Variants in ZDHHC21 observed in about 807,000 individuals in gnomAD.
The protein encoded by ZDHHC21 is zDHHC palmitoyltransferase 21.
In ZDHHC21, 15 loss-of-function variants were observed where a neutral mutation model predicts 34.6. The observed-to-expected ratio is 0.43, with a 90% CI of 0.29 to 0.67. The LOEUF is 0.67. Ranked by LOEUF, ZDHHC21 falls within the 30% of genes least tolerant of loss-of-function variation. The pLI is 0.14. For synonymous variants in ZDHHC21, 142 were observed against 101.8 expected (o/e 1.40, Z -2.38); for missense variants, 344 against 327.7 (o/e 1.05, Z -0.38).
chr9:14,641,744 A>G (rs982289707), intron 7 of ZDHHC21, among the ~76,000 whole-genome samples: 1 of 152,192 alleles, frequency 6.6e-6, no homozygotes, highest in Non-Finnish European at 1.5e-5. Context: ...GCTCACTTCC[A>G]TAAGAAAACT....
At chr9:14,685,498 A>T (rs1443618678) in intron 2 of ZDHHC21, among the ~76,000 whole-genome samples, 3 of 151,898 alleles carry the variant, frequency 2.0e-5, no homozygotes, top group African/African-American at 4.8e-5. Context: ...TCAAAACCAC[A>T]ATGACATACC....
rs920048060 is a variant in ZDHHC21 at position 14,614,941 on chromosome 9, T to A, written c.*4025A>T. 17 of 151,628 alleles carry A rather than the reference T, an allele frequency of 1.1e-4. No homozygotes were observed. Among genetic ancestry groups the A allele is most frequent in the Admixed American group, 5.3e-4 (8 of 15,152 alleles). 9.4% of individuals were successfully genotyped at this position (151,628 alleles called of 1,614,324 possible). On this transcript the variant is annotated 3_prime_UTR_variant, in exon 10 of 10. Coordinates refer to ENST00000380916, the MANE Select transcript of ZDHHC21 (RefSeq NM_178566.6). ...ATAAAGTAACTATAGGTTATTAAAC[T>A]TGGTAAACTTGAGCTAAGTAATCTA...
intron 5 of ZDHHC21, among the ~76,000 whole-genome samples, chr9:14,671,184 C>G (rs1835376013): frequency 6.6e-6 from 1 of 151,948 alleles, no homozygotes; most frequent in African/African-American, 2.4e-5. Flanking sequence ...TTTGTTTAAC[C>G]TGGAGATTTA....
chr9:14,640,470 A>T (rs1027276111), intron 7 of ZDHHC21, among the ~76,000 whole-genome samples: 106 of 152,152 alleles, frequency 7.0e-4, no homozygotes, highest in Non-Finnish European at 7.4e-5. Flanking sequence ...AGTGACCAAG[A>T]TATCTAGAAA....
At chr9:14,631,293 A>G (rs1827300964) in intron 8 of ZDHHC21, among the ~76,000 whole-genome samples, 1 of 152,176 alleles carries the variant, frequency 6.6e-6, no homozygotes, top group Admixed American at 6.5e-5. Flanking sequence ...AAGCCTTAAG[A>G]ACAAACTTAT....
chr9:14,623,191 CAAAA>C (rs761885446), intron 8 of ZDHHC21, among the ~76,000 whole-genome samples: 1 of 147,532 alleles, frequency 6.8e-6, no homozygotes, highest in Non-Finnish European at 1.5e-5. Context: ...TTACATCAAA[CAAAA>C]AAGCTCTGCA....
At chr9:14,644,223 A>C (rs951015315) in intron 7 of ZDHHC21, among the ~76,000 whole-genome samples, 1 of 152,176 alleles carries the variant, frequency 6.6e-6, no homozygotes, top group Admixed American at 6.5e-5. Flanking sequence ...ATTTTTAAAA[A>C]TATTGTTTCA....
intron 8 of ZDHHC21, among the ~76,000 whole-genome samples, chr9:14,637,054 C>T (rs10810196): frequency 0.1 from 15,162 of 151,494 alleles, 1,015 homozygotes; most frequent in East Asian, 0.31. Context: ...TAATGAAGAC[C>T]AGATGAGACG....
intron 7 of ZDHHC21, among the ~76,000 whole-genome samples, chr9:14,657,331 A>G (rs1832430348): frequency 6.6e-6 from 1 of 152,168 alleles, no homozygotes; most frequent in African/African-American, 2.4e-5. Context: ...AGCTAAGTTT[A>G]CATATATTAT....
chr9:14,664,731 G>C (rs1834086728), intron 5 of ZDHHC21, among the ~76,000 whole-genome samples: 2 of 152,014 alleles, frequency 1.3e-5, no homozygotes. Context: ...CCCCCCAGCA[G>C]GGGCACACTG....
intron 7 of ZDHHC21, among the ~76,000 whole-genome samples, chr9:14,655,153 C>A (rs1831955530): frequency 6.6e-6 from 1 of 151,890 alleles, no homozygotes; most frequent in Admixed American, 6.6e-5. Context: ...AACAGTAAGA[C>A]CAACAACTGA....
At chr9:14,638,516 C>T (rs1386703273) in intron 8 of ZDHHC21, among the ~76,000 whole-genome samples, 1 of 151,748 alleles carries the variant, frequency 6.6e-6, no homozygotes, top group African/African-American at 2.4e-5. Context: ...TCAAAAAATG[C>T]AGACAACAAA....
rs926375671 is a variant in ZDHHC21 at position 14,611,619 on chromosome 9, C to T, written c.*7347G>A. On this transcript the variant is annotated 3_prime_UTR_variant, in exon 10 of 10. Transcript: ENST00000380916. ...AGCATTTTAGGGATATAATACTAGA[C>T]AGAACTTGGGGTTCACACATAATTT... The T allele has an allele frequency of 2.0e-5, 3 of 151,924 alleles. No individual in the cohort carries two copies. The highest frequency in any genetic ancestry group is 3.9e-4 in the East Asian group (2 of 5,184). The allele number at this position is 151,924 out of a possible 1,614,324, so 9.4% of individuals were successfully genotyped here.
chr9:14,663,750 T>C (rs1241248983), intron 5 of ZDHHC21, among the ~76,000 whole-genome samples: 2 of 152,208 alleles, frequency 1.3e-5, no homozygotes, highest in Non-Finnish European at 2.9e-5. Context: ...TTATCTCTTA[T>C]ACTTGAAATC....
chr9:14,610,241 C>T (rs1823158844), downstream of ZDHHC21, among the ~76,000 whole-genome samples: 1 of 151,630 alleles, frequency 6.6e-6, no homozygotes. Context: ...AGTCCTGAGA[C>T]CAAAAAGTTT....
intron 8 of ZDHHC21, among the ~76,000 whole-genome samples, chr9:14,621,822 T>A (rs796528994): frequency 2.6e-5 from 4 of 152,118 alleles, no homozygotes; most frequent in African/African-American, 9.6e-5. Context: ...ATGAAGAATA[T>A]GAAAAACCAC....
rs1328120439 is a variant in ZDHHC21 at position 14,669,386 on chromosome 9, C to A, written c.253+3444G>T. 1.9e-4 allele frequency among the ~76,000 whole-genome samples: 26 copies of A among 137,298 alleles called. 1 individual carries two copies. In the South Asian group the frequency reaches 4.2e-3, roughly 22 times the overall value. The allele number at this position is 137,298 out of a possible 152,430, so 90.1% of individuals were successfully genotyped here. The stretch of plus-strand genomic sequence containing the variant: ...TGGAGAGGATGTGGAGAAATAGGAA[C>A]ACTTTTACACTGTTGGTGGGACTGT... On this transcript the variant is annotated intron_variant, in intron 5 of 9. Transcript: ENST00000380916.
the ZDHHC21 span, among the ~76,000 whole-genome samples, chr9:14,598,355 C>A: frequency 4.6e-5 from 7 of 152,152 alleles, no homozygotes; most frequent in Non-Finnish European, 8.8e-5. Flanking sequence ...TGATTACACC[C>A]ATAGAAATAA....
the ZDHHC21 span, among the ~76,000 whole-genome samples, chr9:14,596,472 TTG>T: frequency 6.6e-6 from 1 of 152,154 alleles, no homozygotes; most frequent in Non-Finnish European, 1.5e-5. Flanking sequence ...TACATGCTGC[TTG>T]TGTGTGTTGT....
Sources: gnomAD v4.1 joint callset for allele counts (sites outside exome capture counted in the v4.1 genomes callset) on GRCh38, gnomAD v4.1.1 for gene constraint, MANE v1.5 for transcripts, NCBI Gene and HGNC (gene_info 2026-07-23, HGNC 2026-07-21) for gene names.